PACSIN2: variants seen among roughly 807,000 people sequenced by gnomAD.
The protein encoded by PACSIN2 is protein kinase C and casein kinase substrate in neurons protein 2.
In PACSIN2, 25 loss-of-function variants were observed where a neutral mutation model predicts 63.8. The ratio of observed to expected loss-of-function variants is 0.39; its 90% CI spans 0.29 to 0.55. PACSIN2 has a LOEUF of 0.55. Ranked by LOEUF, PACSIN2 falls within the 20% of genes least tolerant of loss-of-function variation. The pLI is 0.62. For synonymous variants in PACSIN2, 255 were observed against 256.2 expected, an observed-to-expected ratio of 1.00 and a Z score of 0.05; for missense variants, 518 against 646.9, an observed-to-expected ratio of 0.80 and a Z score of 2.16.
At chr22:42,896,599 A>G (rs1930305367) in intron 2 of PACSIN2, among the ~76,000 whole-genome samples, 1 of 152,222 alleles carries the variant, frequency 6.6e-6, no homozygotes, top group Admixed American at 6.5e-5. Flanking sequence ...ACGTTCATCT[A>G]TTGGTCTTTT....
intron 2 of PACSIN2, among the ~76,000 whole-genome samples, chr22:42,900,743 G>C (rs1023235199): frequency 3.3e-5 from 5 of 152,094 alleles, no homozygotes; most frequent in African/African-American, 1.2e-4. Flanking sequence ...CAAAGTGCTG[G>C]GATTACAGGC....
chr22:43,010,101 C>T (rs913420109), intron 1 of PACSIN2, among the ~76,000 whole-genome samples: 2 of 151,900 alleles, frequency 1.3e-5, no homozygotes, highest in Non-Finnish European at 2.9e-5. Flanking sequence ...AACTCCTGAC[C>T]TGAAGTGATC....
At position 42,984,459 on chromosome 22, in the gene PACSIN2, T is replaced by C. The variant is rs372780002; in HGVS notation, c.-78+30562A>G. ...CTTCCCTGATGTTGATATGTGAACC[T>C]AGTAAAACACTGGTCCCATCTTGCA... On this transcript the variant is annotated intron_variant, in intron 1 of 10. Coordinates refer to ENST00000263246, the MANE Select transcript of PACSIN2 (RefSeq NM_001184970.3). Among the ~76,000 whole-genome samples the C allele has an allele frequency of 5.8e-4, 88 of 152,228 alleles. 1 individual carries two copies. The highest frequency in any genetic ancestry group is 3.4e-3 in the Middle Eastern group (1 of 294).
At chr22:42,924,700 A>G (rs1336531398) in intron 1 of PACSIN2, among the ~76,000 whole-genome samples, 1 of 151,366 alleles carries the variant, frequency 6.6e-6, no homozygotes, top group African/African-American at 2.4e-5. Flanking sequence ...CCTCCCTGAA[A>G]TGGTCTCCCT....
At chr22:42,993,123 G>A (rs546990622) in intron 1 of PACSIN2, among the ~76,000 whole-genome samples, 2 of 151,614 alleles carry the variant, frequency 1.3e-5, no homozygotes, top group East Asian at 1.9e-4. Context: ...GCAGTGAGTC[G>A]AGATTGCACC....
At position 42,962,731 on chromosome 22, in the gene PACSIN2, G is replaced by A. The variant is rs5751404; in HGVS notation, c.-77-50574C>T. Among the ~76,000 whole-genome samples the A allele has an allele frequency of 4.3e-3, 601 of 140,102 alleles. 10 individuals carry two copies. The highest frequency in any genetic ancestry group is 0.016 in the African/African-American group (567 of 36,296). 91.9% of individuals were successfully genotyped at this position (140,102 alleles called of 152,430 possible). ...GATGCCTGGGGTGGGTGGAGGCATT[G>A]TGAGTCCTGCCCCAAGTACCCAGTC... On this transcript the variant is annotated intron_variant, in intron 1 of 10. Coordinates refer to ENST00000263246, the MANE Select transcript of PACSIN2 (RefSeq NM_001184970.3).
intron 1 of PACSIN2, among the ~76,000 whole-genome samples, chr22:42,918,757 C>A (rs1931971575): frequency 6.6e-6 from 1 of 152,208 alleles, no homozygotes; most frequent in South Asian, 2.1e-4. Flanking sequence ...GAGGCTGGAG[C>A]CTCAGGGCTT....
At chr22:42,890,885 T>A in intron 4 of PACSIN2, 62 bp downstream of exon 4, 1 of 1,345,820 alleles carries the variant, frequency 7.4e-7, no homozygotes, top group Non-Finnish European at 1.1e-6. Flanking sequence ...CAGGAGGTGG[T>A]GCTGCTAGTG....
chr22:42,902,957 A>G (rs1260648027), intron 2 of PACSIN2, among the ~76,000 whole-genome samples: 1 of 152,138 alleles, frequency 6.6e-6, no homozygotes, highest in Non-Finnish European at 1.5e-5. Flanking sequence ...AGCTCTCTCC[A>G]TGGTAGCTAA....
intron 2 of PACSIN2, among the ~76,000 whole-genome samples, chr22:42,901,727 G>C (rs535662559): frequency 3.3e-5 from 5 of 152,338 alleles, no homozygotes; most frequent in African/African-American, 4.8e-5. Context: ...ACCCTGTCTG[G>C]GGGTCAGGGT....
chr22:42,957,268 G>A (rs528482935), intron 1 of PACSIN2, among the ~76,000 whole-genome samples: 1 of 152,292 alleles, frequency 6.6e-6, no homozygotes, highest in Admixed American at 6.5e-5. Context: ...TAAAATAGTT[G>A]TAAAGTTATT....
chr22:42,876,768 C>A, intron 9 of PACSIN2, 120 bp downstream of exon 9: 1 of 1,339,756 alleles, frequency 7.5e-7, no homozygotes, highest in Non-Finnish European at 1.0e-6. Context: ...ACGCCAGGTG[C>A]CCACTTCCTG....
intron 1 of PACSIN2, among the ~76,000 whole-genome samples, chr22:42,913,596 C>T (rs1428748783): frequency 6.6e-6 from 1 of 151,502 alleles, no homozygotes; most frequent in Non-Finnish European, 1.5e-5. Flanking sequence ...GTAAGTGCTA[C>T]GAACTTACTA....
chr22:42,915,162 C>A (rs767069627), intron 1 of PACSIN2, among the ~76,000 whole-genome samples: 1 of 152,288 alleles, frequency 6.6e-6, no homozygotes, highest in African/African-American at 2.4e-5. Flanking sequence ...GCCACCACAC[C>A]GGGCCTAAGA....
chr22:42,912,099 A>G lies in PACSIN2; in HGVS notation c.-19T>C. ...CAGACATTTTTTCAAAGGCTGAGGG[A>G]GCAGCAAAGTATACTTAGTCAGGGG... On this transcript the variant is annotated 5_prime_UTR_variant, in exon 2 of 11. Coordinates refer to ENST00000263246, the MANE Select transcript of PACSIN2 (RefSeq NM_001184970.3). 6.3e-7 allele frequency: 1 copy of G among 1,581,416 alleles called. No homozygotes were observed. Among genetic ancestry groups the G allele is most frequent in the Non-Finnish European group, 8.6e-7 (1 of 1,164,548 alleles).
chr22:42,983,501 A>AC (rs1555944117), intron 1 of PACSIN2, among the ~76,000 whole-genome samples: 4 of 150,796 alleles, frequency 2.7e-5, no homozygotes, highest in Admixed American at 6.6e-5. Context: ...AAAAAAAAAA[A>AC]AAAAAAACAG....
chr22:42,978,765 C>A (rs1921875660), intron 1 of PACSIN2, among the ~76,000 whole-genome samples: 1 of 152,198 alleles, frequency 6.6e-6, no homozygotes, highest in Non-Finnish European at 1.5e-5. Context: ...TGTATTTCCT[C>A]TTCCCTAGGG....
intron 1 of PACSIN2, among the ~76,000 whole-genome samples, chr22:43,004,003 G>C (rs760555896): frequency 6.6e-6 from 1 of 152,138 alleles, no homozygotes; most frequent in Non-Finnish European, 1.5e-5. Flanking sequence ...CATAGATGCC[G>C]TCTTAAGCAA....
intron 1 of PACSIN2, among the ~76,000 whole-genome samples, chr22:42,929,037 C>T (rs1048300907): frequency 1.3e-5 from 2 of 152,188 alleles, no homozygotes; most frequent in Non-Finnish European, 2.9e-5. Context: ...GAAGAATAAA[C>T]GTGAATTAAA....
Sources: gnomAD v4.1 joint callset for allele counts (sites outside exome capture counted in the v4.1 genomes callset) on GRCh38, gnomAD v4.1.1 for gene constraint, MANE v1.5 for transcripts, NCBI Gene and HGNC (gene_info 2026-07-23, HGNC 2026-07-21) for gene names.